The following APPBP2 variants were observed in gnomAD, a reference collection of about 807,000 sequenced individuals.
APPBP2 encodes the protein amyloid protein-binding protein 2.
Under a neutral mutation model 76.0 loss-of-function variants are expected in APPBP2, and 15 were observed. That is an observed-to-expected ratio of 0.20 (90% CI 0.13 to 0.30). APPBP2 has a LOEUF of 0.30. Among genes scored for constraint, APPBP2 ranks in the 10% least tolerant of loss-of-function variants. The probability of loss-of-function intolerance (pLI) is 1.00; values close to 1 mark genes in which losing one functional copy is unlikely to be tolerated. For missense variants in APPBP2, 401 were observed against 687.2 expected (o/e 0.58, Z 4.66); for synonymous variants, 222 against 242.2 (o/e 0.92, Z 0.77).
chr17:60,497,359 T>C (rs2090784366), intron 2 of APPBP2, among the ~76,000 whole-genome samples: 2 of 152,040 alleles, frequency 1.3e-5, no homozygotes, highest in Admixed American at 6.6e-5. Flanking sequence ...GAAGGGTAAC[T>C]GGGAGAGGGG....
At position 60,503,593 on chromosome 17, in the gene APPBP2, C is replaced by T. The variant is rs552063354; in HGVS notation, c.139-3106G>A. Among the ~76,000 whole-genome samples the T allele has an allele frequency of 1.7e-3, 254 of 146,032 alleles. 3 individuals are homozygous for T. The highest frequency in any genetic ancestry group is 2.5e-3 in the Non-Finnish European group (167 of 67,986). ...TAGAGATGGGGTTTCACCATGTTGG[C>T]CAGGCTGGTCTTGAACTCCTGACCT... On this transcript the variant is annotated intron_variant, in intron 1 of 12. Transcript: ENST00000083182.
At chr17:60,508,801 A>T (rs1036469847) in intron 1 of APPBP2, among the ~76,000 whole-genome samples, 1 of 152,160 alleles carries the variant, frequency 6.6e-6, no homozygotes, top group African/African-American at 2.4e-5. Context: ...CTAGCCTGAA[A>T]CCAGTGAAAC....
Position 60,445,181 on chromosome 17 carries a change from A to C in APPBP2, c.*2400T>G, listed in dbSNP as rs1381187599. 1 of 152,548 alleles carries C rather than the reference A, an allele frequency of 6.6e-6. No individual in the cohort carries two copies. Among genetic ancestry groups the C allele is most frequent in the Non-Finnish European group, 1.5e-5 (1 of 68,040 alleles). 9.4% of individuals were successfully genotyped at this position (152,548 alleles called of 1,614,324 possible). On this transcript the variant is annotated 3_prime_UTR_variant, in exon 13 of 13. Transcript: ENST00000083182. ...TTTCTTAAGCTAGAGTGTATGCATT[A>C]AAGTATATGGATTTACAAAAAAACT...
In APPBP2 at chr17:60,446,981, C is replaced by T. The variant is rs889062312; in HGVS notation, c.*600G>A. On this transcript the variant is annotated 3_prime_UTR_variant, in exon 13 of 13. Coordinates refer to ENST00000083182, the MANE Select transcript of APPBP2 (RefSeq NM_006380.5). ...TTTTCTATTACATTACAGATCAACA[C>T]TGGTCCAGTTCAGATGAATCTGACA... The T allele has an allele frequency of 2.6e-5, 4 of 152,378 alleles. No homozygotes were observed. Among genetic ancestry groups the T allele is most frequent in the Admixed American group, 2.6e-4 (4 of 15,264 alleles). 9.4% of individuals were successfully genotyped at this position (152,378 alleles called of 1,614,324 possible). A position where few individuals can be genotyped will look rare whatever the true frequency, so the allele number is the denominator to read the frequency against.
intron 3 of APPBP2, among the ~76,000 whole-genome samples, chr17:60,481,810 G>A (rs1434201776): frequency 6.6e-6 from 1 of 152,224 alleles, no homozygotes; most frequent in Non-Finnish European, 1.5e-5. Flanking sequence ...TTCTTACAAT[G>A]ACCATTTGTG....
At chr17:60,504,856 A>G (rs542773502) in intron 1 of APPBP2, among the ~76,000 whole-genome samples, 3 of 152,300 alleles carry the variant, frequency 2.0e-5, no homozygotes, top group South Asian at 2.1e-4. Context: ...CTGAAGGCAC[A>G]TAATTGCATG....
chr17:60,485,798 T>C (rs901042454), intron 3 of APPBP2, among the ~76,000 whole-genome samples: 2 of 152,212 alleles, frequency 1.3e-5, no homozygotes, highest in African/African-American at 4.8e-5. Context: ...TGGTAGGGTG[T>C]GAATTGTAGA....
intron 1 of APPBP2, among the ~76,000 whole-genome samples, chr17:60,505,062 A>G (rs2090855223): frequency 6.6e-6 from 1 of 152,234 alleles, no homozygotes; most frequent in Non-Finnish European, 1.5e-5. Flanking sequence ...GTATATCTAC[A>G]TTATATATGC....
intron 6 of APPBP2, among the ~76,000 whole-genome samples, chr17:60,462,877 G>C (rs1476543605): frequency 6.6e-6 from 1 of 151,136 alleles, no homozygotes; most frequent in South Asian, 2.1e-4. Context: ...GTGAACCCTG[G>C]GGGGCGGAGC....
At chr17:60,485,068 G>A (rs1261490133) in intron 3 of APPBP2, among the ~76,000 whole-genome samples, 1 of 152,126 alleles carries the variant, frequency 6.6e-6, no homozygotes, top group East Asian at 1.9e-4. Context: ...ACTTGATCTT[G>A]GTGGATAAGC....
chr17:60,501,033 G>A (rs546533808), intron 1 of APPBP2, among the ~76,000 whole-genome samples: 2 of 152,262 alleles, frequency 1.3e-5, no homozygotes, highest in East Asian at 3.9e-4. Context: ...AACATTTTAA[G>A]GCTGGGCGCT....
intron 3 of APPBP2, among the ~76,000 whole-genome samples, chr17:60,485,322 A>T (rs1442487109): frequency 1.3e-5 from 2 of 152,126 alleles, no homozygotes; most frequent in Non-Finnish European, 2.9e-5. Context: ...GCTGTGAATC[A>T]GTCTGGTCCT....
chr17:60,492,344 C>G (rs1249978367), intron 3 of APPBP2, among the ~76,000 whole-genome samples: 1 of 152,230 alleles, frequency 6.6e-6, no homozygotes, highest in Non-Finnish European at 1.5e-5. Flanking sequence ...CACTGGGGCA[C>G]TGCCTAGTGG....
chr17:60,516,884 C>A (rs989371701), intron 1 of APPBP2, among the ~76,000 whole-genome samples: 19 of 152,152 alleles, frequency 1.2e-4, no homozygotes, highest in Admixed American at 1.2e-3. Context: ...AACAGTACTT[C>A]TCTGAAGACA....
At chr17:60,495,920 A>T (rs1221059621) in intron 2 of APPBP2, among the ~76,000 whole-genome samples, 1 of 152,254 alleles carries the variant, frequency 6.6e-6, no homozygotes, top group Non-Finnish European at 1.5e-5. Context: ...AGCAAAATGC[A>T]GTATTATCCT....
chr17:60,514,226 G>T (rs747517720), intron 1 of APPBP2, among the ~76,000 whole-genome samples: 1 of 152,092 alleles, frequency 6.6e-6, no homozygotes, highest in African/African-American at 2.4e-5. Context: ...CCTAGGAGGT[G>T]GAGGTTGTAG....
At chr17:60,497,421 T>C (rs927558330) in intron 2 of APPBP2, among the ~76,000 whole-genome samples, 1 of 152,084 alleles carries the variant, frequency 6.6e-6, no homozygotes, top group African/African-American at 2.4e-5. Flanking sequence ...ATGAATAAAA[T>C]CTAGTATTTG....
intron 9 of APPBP2, chr17:60,460,118 A>G (rs529893576): frequency 1.3e-5 from 2 of 152,270 alleles, no homozygotes; most frequent in African/African-American, 2.4e-5. Context: ...TACTCAAAAC[A>G]TAAGTTATAT....
At chr17:60,519,046 G>A (rs906927044) in intron 1 of APPBP2, among the ~76,000 whole-genome samples, 3 of 151,996 alleles carry the variant, frequency 2.0e-5, no homozygotes, top group South Asian at 2.1e-4. Context: ...GAGCGGCCTC[G>A]ACTTGCCAAG....
Sources: allele counts gnomAD v4.1 joint callset (sites outside exome capture counted in the v4.1 genomes callset), GRCh38; gene constraint gnomAD v4.1.1; transcripts MANE v1.5; gene names NCBI Gene and HGNC (gene_info 2026-07-23, HGNC 2026-07-21).